Variants in AGPAT4 observed in about 807,000 individuals in gnomAD.
AGPAT4 encodes the protein 1-acyl-sn-glycerol-3-phosphate acyltransferase delta.
AGPAT4 carries 15 observed loss-of-function variants against 48.0 expected under a neutral mutation model. The ratio of observed to expected loss-of-function variants is 0.31; its 90% CI spans 0.21 to 0.48. The LOEUF (loss-of-function observed/expected upper bound fraction) is 0.48. Among genes scored for constraint, AGPAT4 ranks in the 20% least tolerant of loss-of-function variants. The pLI, the probability that AGPAT4 is intolerant of heterozygous loss-of-function variation, is 0.99. For missense variants in AGPAT4, 314 were observed against 482.5 expected (o/e 0.65, Z 3.27); for synonymous variants, 178 against 198.7 (o/e 0.90, Z 0.88).
rs1163749117 is a variant in AGPAT4, at chr6:161,238,831, C to T, written c.-89-6529G>A. 1.3e-5 allele frequency among the ~76,000 whole-genome samples: 2 copies of T among 152,024 alleles called. No homozygotes were observed. Among genetic ancestry groups the T allele is most frequent in the East Asian group, 1.9e-4 (1 of 5,190 alleles). ...GATGGTTTCATAAGGGGCTTTTCACCCTTTTGCTTGGTGCTTCTCCTTCCT... is the reference window on the plus strand; with the variant it reads ...GATGGTTTCATAAGGGGCTTTTCACTCTTTTGCTTGGTGCTTCTCCTTCCT... On this transcript the variant is annotated intron_variant, in intron 1 of 8. Transcript: ENST00000320285. The surrounding 1 kb of genome is among the most constrained non-coding windows in gnomAD (Gnocchi z 5.2).
chr6:161,224,111 T>G (rs1781905311), intron 2 of AGPAT4, among the ~76,000 whole-genome samples: 1 of 152,224 alleles, frequency 6.6e-6, no homozygotes, highest in Non-Finnish European at 1.5e-5. Flanking sequence ...ATTTCTGGAT[T>G]GCTTCTGCTA....
At position 161,236,740 on chromosome 6, in the gene AGPAT4, CA is replaced by C. The variant is rs11462184; in HGVS notation, c.-89-4439del. 2.9e-3 allele frequency among the ~76,000 whole-genome samples: 411 copies of C among 140,152 alleles called. 1 individual carries two copies. The highest frequency in any genetic ancestry group is 5.8e-3 in the African/African-American group (218 of 37,886). The allele number at this position is 140,152 out of a possible 152,430, so 91.9% of individuals were successfully genotyped here. On this transcript the variant is annotated intron_variant, in intron 1 of 8. Transcript: ENST00000320285. This position sits in a 1 kb window ranked among gnomAD's most constrained non-coding sequence, Gnocchi z 5.0. ...TGAAACCCCATCTCCACTAAAAATA[CA>C]AAAAAAAAAAAATAGCTGGATGTGG...
chr6:161,179,257 G>T (rs553929216), intron 2 of AGPAT4, among the ~76,000 whole-genome samples: 101 of 152,208 alleles, frequency 6.6e-4, no homozygotes, highest in Non-Finnish European at 1.2e-3. Context: ...GTTAGGACGT[G>T]TGTGGCTGGG....
At position 161,238,449 on chromosome 6, in the gene AGPAT4, T is replaced by C. The variant is rs1782372239; in HGVS notation, c.-89-6147A>G. Among the ~76,000 whole-genome samples the C allele has an allele frequency of 6.6e-6, 1 of 152,232 alleles. No homozygotes were observed. The highest frequency in any genetic ancestry group is 1.5e-5 in the Non-Finnish European group (1 of 68,036). ...AATGAGATGGTCGTCAACTCAGTTT[T>C]CCTTCTCTACCTATCTAGATCAAGA... On this transcript the variant is annotated intron_variant, in intron 1 of 8. Coordinates refer to ENST00000320285, the MANE Select transcript of AGPAT4 (RefSeq NM_020133.3). The surrounding 1 kb of genome is among the most constrained non-coding windows in gnomAD (Gnocchi z 5.2).
chr6:161,268,121 C>G (rs965244009), intron 1 of AGPAT4, among the ~76,000 whole-genome samples: 1 of 152,094 alleles, frequency 6.6e-6, no homozygotes, highest in Non-Finnish European at 1.5e-5. Flanking sequence ...AAATGGAGCA[C>G]GATGAGAGTT....
rs1402544560 is a variant in AGPAT4 at position 161,267,983 on chromosome 6, C to T, written c.-90+5955G>A. ...ATGGGAGACAGACTGTGGAATATGC[C>T]ATGGCAAGGTGTGAAGGTACAGGGG... On this transcript the variant is annotated intron_variant, in intron 1 of 8. Transcript: ENST00000320285. The surrounding 1 kb of genome is among the most constrained non-coding windows in gnomAD (Gnocchi z 5.2). Among the ~76,000 whole-genome samples, 1 of 152,174 alleles carries T rather than the reference C, an allele frequency of 6.6e-6. No homozygotes were observed. Among genetic ancestry groups the T allele is most frequent in the African/African-American group, 2.4e-5 (1 of 41,456 alleles).
chr6:161,194,793 T>C (rs1775874951), intron 2 of AGPAT4, among the ~76,000 whole-genome samples: 1 of 152,122 alleles, frequency 6.6e-6, no homozygotes, highest in South Asian at 2.1e-4. Flanking sequence ...CAGAGGAAAC[T>C]TATTTTGTTC....
rs1778996498 is a variant in AGPAT4, at chr6:161,134,381, A to C, written c.*2159T>G. ...ACTTACTTAGATTACTTCTGTGTTG[A>C]ATGGAAGAATGAAAATGAGAAAAAT... On this transcript the variant is annotated 3_prime_UTR_variant, in exon 9 of 9. Transcript: ENST00000320285. 1 of 152,166 alleles carries C rather than the reference A, an allele frequency of 6.6e-6. No homozygotes were observed. Among genetic ancestry groups the C allele is most frequent in the Non-Finnish European group, 1.5e-5 (1 of 68,016 alleles). 9.4% of individuals were successfully genotyped at this position (152,166 alleles called of 1,614,324 possible). A position where few individuals can be genotyped will look rare whatever the true frequency, so the allele number is the denominator to read the frequency against.
intron 3 of AGPAT4, among the ~76,000 whole-genome samples, chr6:161,157,601 T>C (rs1310262877): frequency 1.3e-5 from 2 of 152,208 alleles, no homozygotes; most frequent in African/African-American, 4.8e-5. Context: ...GTGTTTTTGA[T>C]GATCAAAGGG....
chr6:161,176,986 G>A (rs941437941), intron 2 of AGPAT4, among the ~76,000 whole-genome samples: 14 of 152,248 alleles, frequency 9.2e-5, no homozygotes, highest in South Asian at 4.1e-4. Flanking sequence ...CTCTTCTGGC[G>A]TGTAGAGCTT....
rs947234940 is a variant in AGPAT4, at chr6:161,202,512, C to T, written c.178+29524G>A. ...GTTGAAGAGAAGAGAGTTACTAGCC[C>T]GCACTCAGGAGTTAGGGAAATGGGG... On this transcript the variant is annotated intron_variant, in intron 2 of 8. Transcript: ENST00000320285. This position sits in a 1 kb window ranked among gnomAD's most constrained non-coding sequence, Gnocchi z 5.4. 5.9e-5 allele frequency among the ~76,000 whole-genome samples: 9 copies of T among 152,050 alleles called. No homozygotes were observed. The highest frequency in any genetic ancestry group is 2.2e-4 in the African/African-American group (9 of 41,402).
Position 161,232,101 on chromosome 6 carries a change from A to T in AGPAT4, c.113T>A (p.Leu38His). The change falls in exon 2 of 9, where the codon CTC (leucine) becomes CAC (histidine). Residue 38 changes from leucine (L) to histidine (H), a missense_variant. Transcript: ENST00000320285. This position sits in a 1 kb window ranked among gnomAD's most constrained non-coding sequence, Gnocchi z 6.8. The part of the protein sequence containing the change: ...INTIQLFTLL[L>H]WPINKQLFRK... ...GAAGAGCTGCTTGTTAATGGGCCAG[A>T]GGAGGAGAGTGAAGAGCTGAATGGT... 6.2e-7 allele frequency: 1 copy of T among 1,614,128 alleles called. No individual in the cohort carries two copies. Among genetic ancestry groups the T allele is most frequent in the Non-Finnish European group, 8.5e-7 (1 of 1,180,024 alleles).
Position 161,189,861 on chromosome 6 carries a change from C to G in AGPAT4, c.179-23444G>C, listed in dbSNP as rs1024689207. The stretch of plus-strand genomic sequence containing the variant: ...TGTGCAGGCCCAGGCTCTGTTCTGT[C>G]TTATCAGTTCTGAAATGCTCCGTTG... On this transcript the variant is annotated intron_variant, in intron 2 of 8. Transcript: ENST00000320285. This position sits in a 1 kb window ranked among gnomAD's most constrained non-coding sequence, Gnocchi z 5.3. Among the ~76,000 whole-genome samples the G allele has an allele frequency of 6.6e-6, 1 of 152,194 alleles. No individual in the cohort carries two copies. Among genetic ancestry groups the G allele is most frequent in the African/African-American group, 2.4e-5 (1 of 41,442 alleles).
rs1779258313 is a variant in AGPAT4, at chr6:161,141,783, A to C, written c.844-2163T>G. On this transcript the variant is annotated intron_variant, in intron 7 of 8. Coordinates refer to ENST00000320285, the MANE Select transcript of AGPAT4 (RefSeq NM_020133.3). The surrounding 1 kb of genome is among the most constrained non-coding windows in gnomAD (Gnocchi z 6.7). ...TTCCAGAAAGACATTTGCTAGGCCA[A>C]GATTGTTTTATTTGCACCTCTAGCA... Among the ~76,000 whole-genome samples, 1 of 152,172 alleles carries C rather than the reference A, an allele frequency of 6.6e-6. No individual in the cohort carries two copies. Among genetic ancestry groups the C allele is most frequent in the African/African-American group, 2.4e-5 (1 of 41,450 alleles).
chr6:161,193,921 T>C (rs1583318425), intron 2 of AGPAT4, among the ~76,000 whole-genome samples: 2 of 152,364 alleles, frequency 1.3e-5, no homozygotes, highest in South Asian at 2.1e-4. Context: ...TAAGCTGCCA[T>C]ATCATTGAAA....
intron 2 of AGPAT4, among the ~76,000 whole-genome samples, chr6:161,199,811 A>C (rs1475647101): frequency 6.6e-6 from 1 of 152,152 alleles, no homozygotes; most frequent in Non-Finnish European, 1.5e-5. Context: ...AAGTTTCCTG[A>C]GGCCTCCCCA....
At position 161,178,739 on chromosome 6, in the gene AGPAT4, C is replaced by T. The variant is rs924592465; in HGVS notation, c.179-12322G>A. Among the ~76,000 whole-genome samples, 1 of 152,198 alleles carries T rather than the reference C, an allele frequency of 6.6e-6. No homozygotes were observed. The highest frequency in any genetic ancestry group is 2.4e-5 in the African/African-American group (1 of 41,454). On this transcript the variant is annotated intron_variant, in intron 2 of 8. Transcript: ENST00000320285. The surrounding 1 kb of genome is among the most constrained non-coding windows in gnomAD (Gnocchi z 5.1). ...CTGGGAGCTGTAGACTGGAGCTGTTCCTATTCGGCCATCTTGCCATGGTTG... is the reference window on the plus strand; with the variant it reads ...CTGGGAGCTGTAGACTGGAGCTGTTTCTATTCGGCCATCTTGCCATGGTTG...
rs1356022664 is a variant in AGPAT4 at position 161,139,847 on chromosome 6, T to C, written c.844-227A>G. Among the ~76,000 whole-genome samples the C allele has an allele frequency of 1.3e-5, 2 of 152,210 alleles. No individual in the cohort carries two copies. Among genetic ancestry groups the C allele is most frequent in the Non-Finnish European group, 2.9e-5 (2 of 68,032 alleles). ...GGGACACTGGGAGTGGTGGGGCCGCTGCAGCTGTCACTGAGTGCAGGGCGT... is the reference window on the plus strand; with the variant it reads ...GGGACACTGGGAGTGGTGGGGCCGCCGCAGCTGTCACTGAGTGCAGGGCGT... On this transcript the variant is annotated intron_variant, in intron 7 of 8. Coordinates refer to ENST00000320285, the MANE Select transcript of AGPAT4 (RefSeq NM_020133.3). This position sits in a 1 kb window ranked among gnomAD's most constrained non-coding sequence, Gnocchi z 9.1.
chr6:161,241,406 C>G (rs541473749), intron 1 of AGPAT4, among the ~76,000 whole-genome samples: 1 of 152,176 alleles, frequency 6.6e-6, no homozygotes, highest in Admixed American at 6.5e-5. Context: ...TCTGAAGAAA[C>G]CATAAATCAT....
Sources: allele counts gnomAD v4.1 joint callset (sites outside exome capture counted in the v4.1 genomes callset), GRCh38; gene constraint gnomAD v4.1.1; non-coding constraint Gnocchi (gnomAD v3.1); transcripts MANE v1.5; gene names NCBI Gene and HGNC (gene_info 2026-07-23, HGNC 2026-07-21).